Variants in SYT6 observed in about 807,000 individuals in gnomAD.
SYT6 encodes the protein synaptotagmin 6.
Under a neutral mutation model 38.4 loss-of-function variants are expected in SYT6, and 24 were observed. That is an observed-to-expected ratio of 0.62 (90% confidence interval 0.45 to 0.88). The LOEUF (loss-of-function observed/expected upper bound fraction) is 0.88, where lower values mean the gene tolerates loss of function less well. SYT6 is among the 40% of genes least tolerant of loss of function. SYT6 has a pLI of 0.00. For synonymous variants in SYT6, 265 were observed against 241.9 expected (o/e 1.10, Z -0.89); for missense variants, 611 against 621.0 (o/e 0.98, Z 0.17).
chr1:114,095,897 T>C (rs747643022), intron 6 of SYT6, among the ~76,000 whole-genome samples: 1 of 152,062 alleles, frequency 6.6e-6, no homozygotes, highest in Non-Finnish European at 1.5e-5. Flanking sequence ...CCTGACCTCA[T>C]GATCCATCCA....
chr1:114,103,370 T>C (rs572187219), intron 4 of SYT6, among the ~76,000 whole-genome samples: 1 of 152,396 alleles, frequency 6.6e-6, no homozygotes, highest in East Asian at 1.9e-4. Context: ...AACTCATTTC[T>C]CCTGAAAGCA....
chr1:114,097,947 G>A (rs1203406323), intron 5 of SYT6, 70 bp from the exon 6 acceptor site: 4 of 1,574,664 alleles, frequency 2.5e-6, no homozygotes, highest in Non-Finnish European at 8.7e-7. Flanking sequence ...CCAGTGTGGG[G>A]GGTGGTAGGA....
chr1:114,112,417 G>A (rs1255581288), intron 3 of SYT6, among the ~76,000 whole-genome samples: 3 of 152,322 alleles, frequency 2.0e-5, no homozygotes, highest in East Asian at 1.9e-4. Flanking sequence ...CCTCCCCTTC[G>A]TGAACCTGCC....
intron 3 of SYT6, among the ~76,000 whole-genome samples, chr1:114,113,546 C>G (rs912529445): frequency 2.6e-5 from 4 of 152,188 alleles, no homozygotes; most frequent in Non-Finnish European, 5.9e-5. Context: ...CTAATTTTCC[C>G]CAACCTGGCC....
chr1:114,114,457 C>T (rs1403646688), intron 3 of SYT6, among the ~76,000 whole-genome samples: 2 of 152,174 alleles, frequency 1.3e-5, no homozygotes, highest in African/African-American at 4.8e-5. Flanking sequence ...CAAGAGTAGG[C>T]CCTTGCTTAA....
chr1:114,148,402 C>T (rs1679262713), intron 1 of SYT6, among the ~76,000 whole-genome samples: 1 of 152,208 alleles, frequency 6.6e-6, no homozygotes, highest in African/African-American at 2.4e-5. Flanking sequence ...AACCATTTTC[C>T]CTACTCACCC....
rs1679525883 is a variant in SYT6, at chr1:114,152,991, C to T, written c.163+619G>A. The T allele has an allele frequency of 2.6e-5, 4 of 152,170 alleles. No individual in the cohort carries two copies. In the South Asian group the frequency reaches 8.3e-4, roughly 32 times the overall value. The allele number at this position is 152,170 out of a possible 1,614,324, so 9.4% of individuals were successfully genotyped here. A position where few individuals can be genotyped will look rare whatever the true frequency, so the allele number is the denominator to read the frequency against. On this transcript the variant is annotated intron_variant, in intron 1 of 7. Coordinates refer to ENST00000610222, the MANE Select transcript of SYT6 (RefSeq NM_001253772.2). ...GGGTGGGGGAAGGACGCCGCAACAC[C>T]CTCATACCCTCCCCCACCCCGCCCC...
intron 2 of SYT6, 129 bp from the exon 3 acceptor site, chr1:114,138,182 T>G (rs1678625536): frequency 5.7e-6 from 5 of 877,820 alleles, no homozygotes; most frequent in Non-Finnish European, 8.5e-6. Flanking sequence ...CTTCCTCTTC[T>G]TGACCCCACT....
chr1:114,146,993 A>G (rs1293485868), intron 1 of SYT6, among the ~76,000 whole-genome samples: 1 of 152,260 alleles, frequency 6.6e-6, no homozygotes, highest in African/African-American at 2.4e-5. Flanking sequence ...AGTTATGCCC[A>G]GCCCAATTTG....
chr1:114,146,623 TAAGCCTCCAGTA>T (rs948395126), intron 1 of SYT6, among the ~76,000 whole-genome samples: 1 of 152,190 alleles, frequency 6.6e-6, no homozygotes, highest in Non-Finnish European at 1.5e-5. Context: ...AAGCTAGAAG[TAAGCCTCCAGTA>T]AGGGAGAGAG....
chr1:114,112,236 C>A (rs1342863407), intron 3 of SYT6, among the ~76,000 whole-genome samples: 1 of 152,192 alleles, frequency 6.6e-6, no homozygotes, highest in Admixed American at 6.5e-5. Flanking sequence ...GAAGCGGGCA[C>A]CCCCAAGCCG....
At chr1:114,139,015 G>A (rs550427451) in intron 2 of SYT6, among the ~76,000 whole-genome samples, 10 of 152,282 alleles carry the variant, frequency 6.6e-5, no homozygotes, top group East Asian at 5.8e-4. Flanking sequence ...AATGCCTTAC[G>A]CATGCTTGCA....
At chr1:114,145,556 T>C (rs1250572367) in intron 1 of SYT6, among the ~76,000 whole-genome samples, 4 of 151,508 alleles carry the variant, frequency 2.6e-5, no homozygotes, top group Admixed American at 1.3e-4. Flanking sequence ...ATCTAAATAA[T>C]TTGGAGACTC....
At chr1:114,132,257 G>A (rs1210627853) in intron 3 of SYT6, among the ~76,000 whole-genome samples, 2 of 152,334 alleles carry the variant, frequency 1.3e-5, no homozygotes. Context: ...GCATAGGAAT[G>A]TGGCTCATGG....
intron 1 of SYT6, among the ~76,000 whole-genome samples, chr1:114,149,593 T>A (rs1455357032): frequency 6.6e-6 from 1 of 151,964 alleles, no homozygotes; most frequent in Non-Finnish European, 1.5e-5. Flanking sequence ...TAATGTGGAG[T>A]GTTACAGCTA....
At chr1:114,151,723 G>A (rs770076370) in intron 1 of SYT6, among the ~76,000 whole-genome samples, 1 of 152,204 alleles carries the variant, frequency 6.6e-6, no homozygotes, top group Non-Finnish European at 1.5e-5. Flanking sequence ...AGACGGAAGG[G>A]AGCTGGGGAG....
chr1:114,103,557 T>C (rs768488507), intron 4 of SYT6, 44 bp downstream of exon 4: 1 of 1,609,918 alleles, frequency 6.2e-7, no homozygotes, highest in Non-Finnish European at 8.5e-7. Flanking sequence ...TTCCAAATCC[T>C]AATGTCTGGG....
chr1:114,142,397 G>A (rs1394699603), intron 1 of SYT6, among the ~76,000 whole-genome samples: 2 of 152,190 alleles, frequency 1.3e-5, no homozygotes, highest in African/African-American at 4.8e-5. Flanking sequence ...CCTGAAGAAT[G>A]GATGAGGAGT....
intron 1 of SYT6, among the ~76,000 whole-genome samples, chr1:114,141,518 G>A (rs1447971216): frequency 6.6e-6 from 1 of 152,254 alleles, no homozygotes; most frequent in Non-Finnish European, 1.5e-5. Flanking sequence ...AAGGAAAGAA[G>A]TCCTCTCCAT....
Sources: allele counts gnomAD v4.1 joint callset (sites outside exome capture counted in the v4.1 genomes callset), GRCh38; gene constraint gnomAD v4.1.1; transcripts MANE v1.5; gene names NCBI Gene and HGNC (gene_info 2026-07-23, HGNC 2026-07-21).